WDR7: variants seen among roughly 807,000 people sequenced by gnomAD.
WDR7 encodes the protein WD repeat-containing protein 7.
WDR7 carries 46 observed loss-of-function variants against 169.4 expected under a neutral mutation model. The ratio of observed to expected loss-of-function variants is 0.27; its 90% CI spans 0.21 to 0.35. The LOEUF is 0.35. Ranked by LOEUF, WDR7 falls within the 10% of genes least tolerant of loss-of-function variation. The pLI is 1.00. For missense variants in WDR7, 1,534 were observed against 1,859.3 expected (o/e 0.83, Z 3.22); for synonymous variants, 612 against 666.8 (o/e 0.92, Z 1.27).
At chr18:56,981,282 G>A (rs886745709) in intron 26 of WDR7, among the ~76,000 whole-genome samples, 3 of 152,116 alleles carry the variant, frequency 2.0e-5, no homozygotes, top group Non-Finnish European at 2.9e-5. Flanking sequence ...GCAATTTGTG[G>A]AATAAAGAGT....
downstream of WDR7, chr18:57,034,512 AT>A (rs1355596039): frequency 6.6e-6 from 1 of 152,186 alleles, no homozygotes; most frequent in African/African-American, 2.4e-5. Context: ...TGAGCCACCC[AT>A]TGAACCATGA....
intron 21 of WDR7, among the ~76,000 whole-genome samples, chr18:56,917,918 AT>A (rs1366610884): frequency 6.6e-6 from 1 of 152,248 alleles, no homozygotes; most frequent in Non-Finnish European, 1.5e-5. Context: ...ATATGAATTA[AT>A]AGCATTAAAA....
chr18:56,834,159 C>T (rs1219423833), intron 20 of WDR7, among the ~76,000 whole-genome samples: 3 of 152,242 alleles, frequency 2.0e-5, no homozygotes, highest in Admixed American at 1.3e-4. Flanking sequence ...TTCATAACAG[C>T]TTGCATCTTT....
intron 20 of WDR7, among the ~76,000 whole-genome samples, chr18:56,867,946 A>G (rs2045904595): frequency 6.6e-6 from 1 of 152,202 alleles, no homozygotes; most frequent in African/African-American, 2.4e-5. Flanking sequence ...ACATTTTTAT[A>G]TCTCTATATG....
intron 14 of WDR7, among the ~76,000 whole-genome samples, chr18:56,734,894 T>G (rs1463390676): frequency 6.6e-6 from 1 of 152,160 alleles, no homozygotes; most frequent in African/African-American, 2.4e-5. Context: ...ACATAGAGTA[T>G]GGTACATACT....
chr18:56,772,336 G>C (rs527528783), intron 16 of WDR7, among the ~76,000 whole-genome samples: 1 of 152,260 alleles, frequency 6.6e-6, no homozygotes, highest in African/African-American at 2.4e-5. Context: ...GACCTGACAT[G>C]GTCATCAGTG....
chr18:56,909,050 T>G (rs76048787), intron 21 of WDR7, among the ~76,000 whole-genome samples: 297 of 152,298 alleles, frequency 2.0e-3, no homozygotes, highest in African/African-American at 6.8e-3. Flanking sequence ...GAGTCTACCC[T>G]GTGTTATTTT....
intron 1 of WDR7, among the ~76,000 whole-genome samples, chr18:56,652,519 G>A (rs899641260): frequency 2.0e-5 from 3 of 152,142 alleles, no homozygotes; most frequent in African/African-American, 7.2e-5. Flanking sequence ...AAACAAACTC[G>A]TGGCTGTATG....
At chr18:56,869,994 C>T (rs2045931517) in intron 20 of WDR7, among the ~76,000 whole-genome samples, 1 of 152,172 alleles carries the variant, frequency 6.6e-6, no homozygotes, top group African/African-American at 2.4e-5. Context: ...AACCTGGATT[C>T]ACCACCAGGA....
intron 14 of WDR7, among the ~76,000 whole-genome samples, chr18:56,734,717 T>C (rs2026661988): frequency 6.6e-6 from 1 of 152,122 alleles, no homozygotes; most frequent in Non-Finnish European, 1.5e-5. Context: ...TTTTTTTTGT[T>C]CATACGTTTC....
At chr18:56,872,278 CT>C (rs2045963246) in intron 20 of WDR7, among the ~76,000 whole-genome samples, 1 of 152,086 alleles carries the variant, frequency 6.6e-6, no homozygotes, top group Non-Finnish European at 1.5e-5. Flanking sequence ...TTAACATGAT[CT>C]TTAGAGTTAT....
chr18:56,741,303 T>TA (rs1251698137), intron 14 of WDR7, among the ~76,000 whole-genome samples: 1 of 152,208 alleles, frequency 6.6e-6, no homozygotes, highest in African/African-American at 2.4e-5. Flanking sequence ...TTACAAATCC[T>TA]AAATGTTATC....
intron 26 of WDR7, among the ~76,000 whole-genome samples, chr18:57,013,600 A>G (rs909127320): frequency 3.3e-5 from 5 of 152,250 alleles, no homozygotes; most frequent in African/African-American, 9.6e-5. Context: ...AGAGAGAAAT[A>G]GAAGAGGGTT....
At position 56,679,450 on chromosome 18, in the gene WDR7, C is replaced by T. The variant is rs774110338; in HGVS notation, c.266+12C>T. 1.3e-6 allele frequency: 2 copies of T among 1,579,302 alleles called. No homozygotes were observed. The highest frequency in any genetic ancestry group is 1.7e-6 in the Non-Finnish European group (2 of 1,151,864). On this transcript the variant is annotated intron_variant, in intron 3 of 27. Coordinates refer to ENST00000254442, the MANE Select transcript of WDR7 (RefSeq NM_015285.3). ...GCATCTGAAAGTGGGTAAGTATTTT[C>T]TCATTTGCCTCTTTTTCTCATGAGT...
intron 2 of WDR7, among the ~76,000 whole-genome samples, chr18:56,677,893 A>G (rs956386179): frequency 1.3e-4 from 20 of 152,160 alleles, no homozygotes; most frequent in African/African-American, 4.6e-4. Flanking sequence ...AGTAACTCAT[A>G]TATTTGCCCT....
chr18:56,791,116 A>G (rs2044478435), intron 19 of WDR7, among the ~76,000 whole-genome samples: 2 of 152,172 alleles, frequency 1.3e-5, no homozygotes, highest in South Asian at 4.1e-4. Context: ...TTTGACAGTC[A>G]ATGTCCATGC....
intron 26 of WDR7, among the ~76,000 whole-genome samples, chr18:56,989,728 A>G (rs2047783012): frequency 6.6e-6 from 1 of 152,160 alleles, no homozygotes; most frequent in South Asian, 2.1e-4. Flanking sequence ...GTCTCAATAG[A>G]GTATTTTTTT....
chr18:56,748,229 C>T (rs187493199), intron 14 of WDR7, among the ~76,000 whole-genome samples: 4 of 152,162 alleles, frequency 2.6e-5, no homozygotes, highest in African/African-American at 9.6e-5. Flanking sequence ...GCAGTCTTTT[C>T]TTTATTTGGA....
At chr18:56,847,865 A>G (rs1051975733) in intron 20 of WDR7, among the ~76,000 whole-genome samples, 4 of 152,246 alleles carry the variant, frequency 2.6e-5, no homozygotes, top group Admixed American at 1.3e-4. Flanking sequence ...GATTCCCCCT[A>G]GATTTCAGAG....
Sources: allele counts gnomAD v4.1 joint callset (sites outside exome capture counted in the v4.1 genomes callset), GRCh38; gene constraint gnomAD v4.1.1; transcripts MANE v1.5; gene names NCBI Gene and HGNC (gene_info 2026-07-23, HGNC 2026-07-21).